The following FAM227B variants were observed in gnomAD, a reference collection of about 807,000 sequenced individuals.
The protein encoded by FAM227B is family with sequence similarity 227 member B, also known as protein FAM227B.
FAM227B carries 88 observed loss-of-function variants against 73.8 expected under a neutral mutation model. That is an observed-to-expected ratio of 1.19 (90% confidence interval 1.00 to 1.42). The LOEUF (loss-of-function observed/expected upper bound fraction) is 1.42. Among genes scored for constraint, FAM227B ranks in the 40% most tolerant of loss-of-function variants. The probability of loss-of-function intolerance (pLI) is 0.00; values close to 1 mark genes in which losing one functional copy is unlikely to be tolerated. For synonymous variants in FAM227B, 210 were observed against 190.5 expected (o/e 1.10, Z -0.84); for missense variants, 632 against 590.9 (o/e 1.07, Z -0.72).
chr15:49,600,333 T>C (rs2077109892), intron 3 of FAM227B, among the ~76,000 whole-genome samples: 1 of 151,400 alleles, frequency 6.6e-6, no homozygotes, highest in Admixed American at 6.6e-5. Context: ...ATGCAGCATA[T>C]AGCTGTTTCT....
At chr15:49,541,909 T>C in intron 9 of FAM227B, 103 bp from the exon 10 acceptor site, 1 of 936,958 alleles carries the variant, frequency 1.1e-6, no homozygotes, top group Non-Finnish European at 1.4e-6. Flanking sequence ...TTGCAATTTA[T>C]TAACCGAATA....
intron 11 of FAM227B, among the ~76,000 whole-genome samples, chr15:49,439,916 T>C (rs1275894935): frequency 3.3e-5 from 5 of 151,740 alleles, no homozygotes; most frequent in Non-Finnish European, 5.9e-5. Flanking sequence ...GACATGAAGT[T>C]TGCAGATAGC....
At chr15:49,488,600 T>A (rs192885172) in intron 11 of FAM227B, 1 of 152,034 alleles carries the variant, frequency 6.6e-6, no homozygotes, top group East Asian at 2.0e-4. Context: ...CAAGTTCTTA[T>A]CATTGAATTT....
intron 11 of FAM227B, among the ~76,000 whole-genome samples, chr15:49,392,172 A>G (rs1418510431): frequency 6.6e-6 from 1 of 152,170 alleles, no homozygotes; most frequent in Non-Finnish European, 1.5e-5. Flanking sequence ...GGGCAAATAT[A>G]TTGCATCAGA....
intron 3 of FAM227B, among the ~76,000 whole-genome samples, chr15:49,590,425 T>A (rs992691917): frequency 3.0e-4 from 45 of 152,300 alleles, no homozygotes; most frequent in African/African-American, 1.1e-3. Flanking sequence ...AAATGTTAAG[T>A]TTTGGCTTCA....
At chr15:49,614,992 TTAAG>T in intron 2 of FAM227B, 125 bp downstream of exon 2, 1 of 814,244 alleles carries the variant, frequency 1.2e-6, no homozygotes, top group Non-Finnish European at 2.1e-6. Flanking sequence ...GCAGCGAGCA[TTAAG>T]ACCTAGACCA....
chr15:49,525,071 T>C (rs550225457), intron 10 of FAM227B, among the ~76,000 whole-genome samples: 2 of 152,278 alleles, frequency 1.3e-5, no homozygotes, highest in Admixed American at 6.5e-5. Flanking sequence ...TGAGGGACTG[T>C]TGGGAAGGCA....
Position 49,411,574 on chromosome 15 carries a change from G to A in FAM227B, c.1013-40175C>T, listed in dbSNP as rs1056134962. Among the ~76,000 whole-genome samples, 10 of 152,018 alleles carry A rather than the reference G, an allele frequency of 6.6e-5. 1 individual carries two copies. Among genetic ancestry groups the A allele is most frequent in the Non-Finnish European group, 1.3e-4 (9 of 67,936 alleles). ...GCATAAAGAAGGCAATCAAGGTAAA[G>A]GATGAGTACATATAAAACATTTCAT... On this transcript the variant is annotated intron_variant, in intron 11 of 15. Transcript: ENST00000299338.
chr15:49,339,471 T>C (rs1406052111), intron 13 of FAM227B, among the ~76,000 whole-genome samples: 1 of 152,176 alleles, frequency 6.6e-6, no homozygotes, highest in South Asian at 2.1e-4. Flanking sequence ...ACAGTAAAGA[T>C]TGCTGCCTGT....
At chr15:49,603,943 C>T (rs1301218048) in intron 3 of FAM227B, among the ~76,000 whole-genome samples, 8 of 152,144 alleles carry the variant, frequency 5.3e-5, no homozygotes, top group Non-Finnish European at 1.0e-4. Context: ...GTTGATATGA[C>T]ATATCACGCT....
chr15:49,422,756 C>A (rs1427228718), intron 11 of FAM227B: 1 of 1,332,772 alleles, frequency 7.5e-7, no homozygotes, highest in African/African-American at 1.4e-5. Context: ...TATTCATATT[C>A]AATGAATTGT....
intron 13 of FAM227B, among the ~76,000 whole-genome samples, chr15:49,362,541 G>A (rs943405422): frequency 6.6e-6 from 1 of 152,122 alleles, no homozygotes; most frequent in African/African-American, 2.4e-5. Context: ...CACATGCATA[G>A]TTTGCAAATA....
Position 49,591,219 on chromosome 15 carries a change from C to T in FAM227B, c.106-1212G>A, listed in dbSNP as rs565368920. 8.6e-5 allele frequency among the ~76,000 whole-genome samples: 13 copies of T among 150,906 alleles called. No homozygotes were observed. In the South Asian group the frequency reaches 1.9e-3, roughly 22 times the overall value. On this transcript the variant is annotated intron_variant, in intron 3 of 15. Coordinates refer to ENST00000299338, the MANE Select transcript of FAM227B (RefSeq NM_152647.3). ...CCTCCCGAGTAGTTGGGACTACAGGCGCCCGCCACCATGCCCGGCTAATTT... is the reference window on the plus strand; with the variant it reads ...CCTCCCGAGTAGTTGGGACTACAGGTGCCCGCCACCATGCCCGGCTAATTT...
At chr15:49,610,420 T>TA (rs72044107) in intron 3 of FAM227B, among the ~76,000 whole-genome samples, 31,035 of 119,394 alleles carry the variant, frequency 0.26, 4,358 homozygotes, top group Non-Finnish European at 0.36. Flanking sequence ...ACATTGAAAG[T>TA]AAAAAAAAAA....
chr15:49,506,205 A>G (rs1204952489), intron 11 of FAM227B, among the ~76,000 whole-genome samples: 1 of 152,088 alleles, frequency 6.6e-6, no homozygotes, highest in Non-Finnish European at 1.5e-5. Flanking sequence ...TAAAATATCA[A>G]TAAAGATATA....
intron 11 of FAM227B, among the ~76,000 whole-genome samples, chr15:49,444,547 T>C (rs2051999145): frequency 6.6e-6 from 1 of 151,810 alleles, no homozygotes; most frequent in African/African-American, 2.4e-5. Context: ...TACATTCAGT[T>C]AAAACGTTAT....
intron 11 of FAM227B, among the ~76,000 whole-genome samples, chr15:49,474,119 T>G (rs1328140017): frequency 6.6e-6 from 1 of 152,176 alleles, no homozygotes; most frequent in African/African-American, 2.4e-5. Flanking sequence ...AAGGAGATGG[T>G]GAGATTGTAT....
chr15:49,601,585 C>T (rs546065452), intron 3 of FAM227B, among the ~76,000 whole-genome samples: 4 of 152,180 alleles, frequency 2.6e-5, no homozygotes, highest in African/African-American at 4.8e-5. Context: ...ATAATAATCA[C>T]GTCATGAAAA....
At chr15:49,401,009 T>A (rs1171449051) in intron 11 of FAM227B, among the ~76,000 whole-genome samples, 1 of 152,170 alleles carries the variant, frequency 6.6e-6, no homozygotes, top group Non-Finnish European at 1.5e-5. Context: ...TGGGATCTAA[T>A]TAAACTAAAG....
Sources: allele counts gnomAD v4.1 joint callset (sites outside exome capture counted in the v4.1 genomes callset), GRCh38; gene constraint gnomAD v4.1.1; transcripts MANE v1.5; gene names NCBI Gene and HGNC (gene_info 2026-07-23, HGNC 2026-07-21).